Variants in CFAP20DC observed in about 807,000 individuals in gnomAD.
The protein encoded by CFAP20DC is protein CFAP20DC.
In CFAP20DC, 84 loss-of-function variants were observed where a neutral mutation model predicts 101.7. The observed-to-expected ratio is 0.83, with a 90% CI of 0.69 to 0.99. CFAP20DC has a LOEUF of 0.99. CFAP20DC is among the 50% of genes least tolerant of loss of function. CFAP20DC has a pLI of 0.00. For synonymous variants in CFAP20DC, 359 were observed against 351.2 expected, an observed-to-expected ratio of 1.02 and a Z score of -0.25; for missense variants, 1,007 against 970.3, an observed-to-expected ratio of 1.04 and a Z score of -0.50.
At chr3:58,884,766 C>A in intron 6 of CFAP20DC, 57 bp from the exon 7 acceptor site, 1 of 1,350,300 alleles carries the variant, frequency 7.4e-7, no homozygotes. Flanking sequence ...GCCAAATGGA[C>A]CTATCATATA....
chr3:58,907,959 G>T (rs558693642), intron 6 of CFAP20DC, among the ~76,000 whole-genome samples: 68 of 152,114 alleles, frequency 4.5e-4, no homozygotes, highest in African/African-American at 1.6e-3. Context: ...TTCTTTTCAG[G>T]CCTTCCAAAT....
At chr3:58,906,547 A>G (rs1201952751) in intron 6 of CFAP20DC, among the ~76,000 whole-genome samples, 2 of 152,218 alleles carry the variant, frequency 1.3e-5, no homozygotes, top group Non-Finnish European at 2.9e-5. Context: ...CTTTATACAT[A>G]TATGCCCTTT....
At chr3:58,910,628 C>A (rs2084052803) in intron 6 of CFAP20DC, among the ~76,000 whole-genome samples, 1 of 152,058 alleles carries the variant, frequency 6.6e-6, no homozygotes, top group African/African-American at 2.4e-5. Context: ...CTATCTCAAT[C>A]TGAAAATATC....
At chr3:58,956,357 C>T (rs2090630595) in intron 4 of CFAP20DC, among the ~76,000 whole-genome samples, 2 of 151,910 alleles carry the variant, frequency 1.3e-5, no homozygotes, top group African/African-American at 4.8e-5. Context: ...GAATAAAGAG[C>T]ACCTGGGCCT....
intron 3 of CFAP20DC, among the ~76,000 whole-genome samples, chr3:58,719,919 G>A (rs2067447498): frequency 6.6e-6 from 1 of 152,238 alleles, no homozygotes; most frequent in Non-Finnish European, 1.5e-5. Context: ...GCCAAACACA[G>A]TCCATCTCCA....
rs993545459 is a variant in CFAP20DC, at chr3:58,788,335, T to C, written c.2237+18060A>G. ...CTCAGATGAACAAATTAAATTCACA[T>C]TTAAACCACGGTTACCGGGGAAATC... On this transcript the variant is annotated intron_variant, in intron 15 of 16. Coordinates refer to ENST00000482387, the MANE Select transcript of CFAP20DC (RefSeq NM_001394063.1). The surrounding 1 kb of genome is among the most constrained non-coding windows in gnomAD (Gnocchi z 4.2). Among the ~76,000 whole-genome samples, 2 of 152,000 alleles carry C rather than the reference T, an allele frequency of 1.3e-5. No individual in the cohort carries two copies.
At chr3:58,921,280 C>T (rs546615567) in intron 5 of CFAP20DC, among the ~76,000 whole-genome samples, 1 of 151,844 alleles carries the variant, frequency 6.6e-6, no homozygotes, top group South Asian at 2.1e-4. Flanking sequence ...TCTTTCTGTA[C>T]ACATCAGTTT....
chr3:58,851,395 A>C (rs1389757631), intron 12 of CFAP20DC, among the ~76,000 whole-genome samples: 1 of 152,176 alleles, frequency 6.6e-6, no homozygotes, highest in Non-Finnish European at 1.5e-5. Flanking sequence ...TTGAGAGTTC[A>C]AGTCAGTATG....
intron 6 of CFAP20DC, among the ~76,000 whole-genome samples, chr3:58,885,612 C>A (rs1040159372): frequency 1.7e-4 from 26 of 150,700 alleles, no homozygotes; most frequent in African/African-American, 6.3e-4. Flanking sequence ...CTACCCCTCC[C>A]TTCCCCCTAC....
chr3:58,896,842 G>A (rs2082705134), intron 6 of CFAP20DC, among the ~76,000 whole-genome samples: 1 of 152,164 alleles, frequency 6.6e-6, no homozygotes, highest in African/African-American at 2.4e-5. Context: ...ATGTGGGGAT[G>A]AGAAGAATGT....
chr3:58,745,412 G>A (rs1320453290), intron 16 of CFAP20DC, among the ~76,000 whole-genome samples: 1 of 152,148 alleles, frequency 6.6e-6, no homozygotes, highest in African/African-American at 2.4e-5. Flanking sequence ...TAAACTGGAA[G>A]GCTCTACTGC....
At chr3:58,813,493 T>C (rs1156424121) in intron 14 of CFAP20DC, among the ~76,000 whole-genome samples, 3 of 151,916 alleles carry the variant, frequency 2.0e-5, no homozygotes, top group Non-Finnish European at 4.4e-5. Context: ...CCCAGTGGGG[T>C]TGGTGTTAAG....
intron 4 of CFAP20DC, among the ~76,000 whole-genome samples, chr3:58,976,655 G>A (rs2092291229): frequency 6.6e-6 from 1 of 152,142 alleles, no homozygotes; most frequent in African/African-American, 2.4e-5. Flanking sequence ...TAGTGCTGAT[G>A]GGGAAAAAAA....
intron 3 of CFAP20DC, among the ~76,000 whole-genome samples, chr3:58,733,296 C>A (rs1464957579): frequency 1.3e-5 from 2 of 152,106 alleles, no homozygotes; most frequent in Non-Finnish European, 2.9e-5. Context: ...TGCGCCACTG[C>A]ACTCCAGCCT....
intron 13 of CFAP20DC, among the ~76,000 whole-genome samples, chr3:58,835,058 C>A (rs775469402): frequency 6.6e-6 from 1 of 152,086 alleles, no homozygotes; most frequent in Non-Finnish European, 1.5e-5. Context: ...ATACATATAT[C>A]CCTGTTCTTA....
rs2080155694 is a variant in CFAP20DC, at chr3:58,870,949, A to G, written c.716-640T>C. 2.7e-5 allele frequency among the ~76,000 whole-genome samples: 4 copies of G among 150,908 alleles called. No homozygotes were observed. The South Asian group carries it at 8.6e-4, about 32-fold the overall frequency. ...AGAAAAAAGGAAAAGCTACTAAAAA[A>G]TACATCTTATTTTCTCTTTAAGGAA... On this transcript the variant is annotated intron_variant, in intron 7 of 16. Coordinates refer to ENST00000482387, the MANE Select transcript of CFAP20DC (RefSeq NM_001394063.1).
At chr3:58,952,794 G>T (rs2090265636) in intron 4 of CFAP20DC, among the ~76,000 whole-genome samples, 1 of 152,068 alleles carries the variant, frequency 6.6e-6, no homozygotes, top group African/African-American at 2.4e-5. Flanking sequence ...TACTCTCACA[G>T]AGCTAGGTTC....
intron 12 of CFAP20DC, among the ~76,000 whole-genome samples, chr3:58,853,322 T>C (rs62252891): frequency 8.1e-4 from 118 of 146,008 alleles, no homozygotes; most frequent in South Asian, 2.0e-3. Flanking sequence ...TAACAGGCTC[T>C]GAAATTGTGG....
intron 6 of CFAP20DC, among the ~76,000 whole-genome samples, chr3:58,893,324 G>A (rs554605886): frequency 7.2e-5 from 11 of 152,296 alleles, no homozygotes; most frequent in South Asian, 2.1e-4. Flanking sequence ...GATTAAAGGC[G>A]TGAGCCACCG....
Sources: allele counts gnomAD v4.1 joint callset (sites outside exome capture counted in the v4.1 genomes callset), GRCh38; gene constraint gnomAD v4.1.1; non-coding constraint Gnocchi (gnomAD v3.1); transcripts MANE v1.5; gene names NCBI Gene and HGNC (gene_info 2026-07-23, HGNC 2026-07-21).